Variants in C1orf21 observed in about 807,000 individuals in gnomAD.
C1orf21 encodes chromosome 1 open reading frame 21, also known as uncharacterized protein C1orf21.
A neutral mutation model predicts 18.7 loss-of-function variants in C1orf21; 3 were observed. The ratio of observed to expected loss-of-function variants is 0.16; its 90% CI spans 0.07 to 0.42. The LOEUF is 0.42. C1orf21 is among the 10% of genes least tolerant of loss of function. The pLI, the probability that C1orf21 is intolerant of heterozygous loss-of-function variation, is 0.99. For synonymous variants in C1orf21, 41 were observed against 46.4 expected, an observed-to-expected ratio of 0.88 and a Z score of 0.47; for missense variants, 104 against 143.6, an observed-to-expected ratio of 0.72 and a Z score of 1.41.
chr1:184,556,721 T>A (rs1379080010), intron 3 of C1orf21, among the ~76,000 whole-genome samples: 1 of 152,160 alleles, frequency 6.6e-6, no homozygotes, highest in African/African-American at 2.4e-5. Flanking sequence ...AAAGGTGATA[T>A]CTGTATCATA....
At chr1:184,465,783 T>C (rs999350194) in intron 1 of C1orf21, among the ~76,000 whole-genome samples, 3 of 152,218 alleles carry the variant, frequency 2.0e-5, no homozygotes, top group Admixed American at 1.3e-4. Context: ...AATACTGTTA[T>C]ACTGTTTTCT....
chr1:184,447,523 ATAGTATGTTTGGGTGTCAGTTTTAC>A (rs1452725473), intron 1 of C1orf21, among the ~76,000 whole-genome samples: 1 of 152,168 alleles, frequency 6.6e-6, no homozygotes, highest in African/African-American at 2.4e-5. Context: ...CAACTCAAAG[ATAGTATGTTTGGGTGTCAGTTTTAC>A]TATTTACCTA....
chr1:184,498,050 A>G (rs1352254068), intron 2 of C1orf21, among the ~76,000 whole-genome samples: 1 of 152,008 alleles, frequency 6.6e-6, no homozygotes, highest in East Asian at 1.9e-4. Flanking sequence ...CGCTGTATCT[A>G]TTCTATGCCG....
At chr1:184,507,816 CCTGGA>C in intron 3 of C1orf21, 134 bp downstream of exon 3, 1 of 687,194 alleles carries the variant, frequency 1.5e-6, no homozygotes, top group Non-Finnish European at 2.3e-6. Context: ...TTATAGCTTG[CCTGGA>C]AGCTGCACCA....
At chr1:184,601,491 C>G (rs887725408) in intron 5 of C1orf21, among the ~76,000 whole-genome samples, 19 of 152,294 alleles carry the variant, frequency 1.2e-4, no homozygotes, top group Admixed American at 4.6e-4. Flanking sequence ...TTGGACTACT[C>G]TAATTCAGAG....
chr1:184,458,227 C>T (rs1250830452), intron 1 of C1orf21, among the ~76,000 whole-genome samples: 5 of 152,118 alleles, frequency 3.3e-5, no homozygotes, highest in Admixed American at 6.6e-5. Context: ...AGCTTTGGAC[C>T]AGGTATTTAA....
At chr1:184,388,678 G>A (rs1655924877) in intron 1 of C1orf21, among the ~76,000 whole-genome samples, 1 of 150,440 alleles carries the variant, frequency 6.6e-6, no homozygotes, top group South Asian at 2.1e-4. Flanking sequence ...GAAATGACAA[G>A]TTCATTACAC....
intron 2 of C1orf21, among the ~76,000 whole-genome samples, chr1:184,501,469 G>A: frequency 6.6e-6 from 1 of 151,916 alleles, no homozygotes; most frequent in East Asian, 1.9e-4. Flanking sequence ...CTTGATTAGG[G>A]GTCTCTTCTT....
chr1:184,390,955 G>A (rs1051525268), intron 1 of C1orf21, among the ~76,000 whole-genome samples: 1 of 152,154 alleles, frequency 6.6e-6, no homozygotes, highest in Admixed American at 6.5e-5. Context: ...GAAAGATTGC[G>A]ACAGTGAAAC....
chr1:184,503,102 A>AC (rs57548647), intron 2 of C1orf21, among the ~76,000 whole-genome samples: 1 of 148,200 alleles, frequency 6.7e-6, no homozygotes, highest in Non-Finnish European at 1.5e-5. Context: ...AAAAAAAAAA[A>AC]GATGTATCAA....
chr1:184,497,684 C>T (rs1350079049), intron 2 of C1orf21, among the ~76,000 whole-genome samples: 5 of 152,178 alleles, frequency 3.3e-5, no homozygotes, highest in African/African-American at 1.2e-4. Context: ...ATTACTTGAG[C>T]TGAAAATGAC....
intron 3 of C1orf21, among the ~76,000 whole-genome samples, chr1:184,569,178 A>T (rs947653852): frequency 6.6e-6 from 1 of 152,198 alleles, no homozygotes; most frequent in African/African-American, 2.4e-5. Flanking sequence ...CACAAGCCTG[A>T]TGGAGTGTAC....
At chr1:184,410,513 G>A (rs1365645458) in intron 1 of C1orf21, among the ~76,000 whole-genome samples, 1 of 143,468 alleles carries the variant, frequency 7.0e-6, no homozygotes, top group African/African-American at 2.7e-5. Flanking sequence ...GCATATGATG[G>A]TATTAAATAA....
At chr1:184,564,222 A>G (rs1659003182) in intron 3 of C1orf21, among the ~76,000 whole-genome samples, 1 of 152,220 alleles carries the variant, frequency 6.6e-6, no homozygotes, top group African/African-American at 2.4e-5. Context: ...GTTAGAATAT[A>G]TATGCAAAAT....
chr1:184,546,928 G>C (rs1284037060), intron 3 of C1orf21, among the ~76,000 whole-genome samples: 2 of 152,248 alleles, frequency 1.3e-5, no homozygotes, highest in Non-Finnish European at 2.9e-5. Flanking sequence ...TTAGAGCACA[G>C]TTGACCCAAT....
intron 1 of C1orf21, among the ~76,000 whole-genome samples, chr1:184,397,781 G>T (rs796198021): frequency 6.6e-6 from 1 of 152,182 alleles, no homozygotes. Flanking sequence ...TGTTGAAAGT[G>T]CCAGTGTTTA....
intron 1 of C1orf21, among the ~76,000 whole-genome samples, chr1:184,452,842 C>T (rs1040009479): frequency 8.6e-5 from 13 of 151,994 alleles, no homozygotes; most frequent in African/African-American, 1.4e-4. Context: ...TTAATATGAC[C>T]GGCTCTGTTT....
At chr1:184,488,670 A>G (rs542518154) in intron 2 of C1orf21, among the ~76,000 whole-genome samples, 1 of 152,220 alleles carries the variant, frequency 6.6e-6, no homozygotes, top group Non-Finnish European at 1.5e-5. Flanking sequence ...TAACTGTCAA[A>G]TAAGAAACTG....
intron 3 of C1orf21, chr1:184,568,350 A>C: frequency 2.2e-6 from 1 of 455,040 alleles, no homozygotes; most frequent in South Asian, 1.6e-5. Flanking sequence ...CAAAACTTAA[A>C]CTTTGTACCC....
Sources: allele counts gnomAD v4.1 joint callset (sites outside exome capture counted in the v4.1 genomes callset), GRCh38; gene constraint gnomAD v4.1.1; transcripts MANE v1.5; gene names NCBI Gene and HGNC (gene_info 2026-07-23, HGNC 2026-07-21).